Variants in TLE3 observed in about 807,000 individuals in gnomAD.
The protein encoded by TLE3 is TLE family member 3, transcriptional corepressor, also known as transducin-like enhancer protein 3.
Under a neutral mutation model 93.0 loss-of-function variants are expected in TLE3, and 14 were observed. The observed-to-expected ratio is 0.15, with a 90% confidence interval of 0.10 to 0.24. The LOEUF (loss-of-function observed/expected upper bound fraction) is 0.24. Among genes scored for constraint, TLE3 ranks in the 10% least tolerant of loss-of-function variants. TLE3 has a pLI of 1.00. For synonymous variants in TLE3, 451 were observed against 425.0 expected (o/e 1.06, Z -0.75); for missense variants, 693 against 1,046.6 (o/e 0.66, Z 4.66).
At position 70,058,096 on chromosome 15, in the gene TLE3, G is replaced by A. The variant is rs1429804001; in HGVS notation, c.1051+63C>T. ...ATGCGTGTGTGTCACCCCTGCCCTG[G>A]CCAAGAGCAGACCCCCTCCCCCCAA... is the stretch of plus-strand genomic sequence containing the variant. On this transcript the variant is annotated intron_variant, in intron 12 of 19. Transcript: ENST00000451782. The surrounding 1 kb of genome is among the most constrained non-coding windows in gnomAD (Gnocchi z 4.1). 1.4e-5 allele frequency: 23 copies of A among 1,610,242 alleles called. No individual in the cohort carries two copies. Among genetic ancestry groups the A allele is most frequent in the Non-Finnish European group, 2.0e-5 (23 of 1,178,100 alleles).
At chr15:70,087,959 T>C (rs911834716) in intron 4 of TLE3, among the ~76,000 whole-genome samples, 12 of 152,198 alleles carry the variant, frequency 7.9e-5, no homozygotes, top group African/African-American at 2.7e-4. Context: ...ATACAAGTCC[T>C]TGCCCCACCC....
intron 13 of TLE3, among the ~76,000 whole-genome samples, chr15:70,056,742 C>T (rs545256600): frequency 6.6e-6 from 1 of 152,298 alleles, no homozygotes; most frequent in East Asian, 1.9e-4. Context: ...GCCCCTCTCC[C>T]CGCCAACCCT....
chr15:70,058,700 C>T lies in TLE3; in HGVS notation c.881G>A (p.Ser294Asn), dbSNP rs1289937765. 8 of 1,607,802 alleles carry T rather than the reference C, an allele frequency of 5.0e-6. No homozygotes were observed. In the Admixed American group the frequency reaches 8.5e-5, roughly 17 times the overall value. The change falls in exon 11 of 20, where the codon AGT becomes AAT. Residue 294 changes from serine (S) to asparagine (N), a missense_variant. Ser to Asn is a conservative substitution (Grantham distance 46, BLOSUM62 1). Transcript: ENST00000451782. This position sits in a 1 kb window ranked among gnomAD's most constrained non-coding sequence, Gnocchi z 4.1. ...TTTGGTCTTGGAGGAAGGTGTGCTA[C>T]TGGAAGAGGCCACCGAGGCAGGGCT... ...PTSPASVASS[S>N]STPSSKTKDL...
At chr15:70,083,107 A>C (rs542159715) in intron 4 of TLE3, among the ~76,000 whole-genome samples, 1 of 152,300 alleles carries the variant, frequency 6.6e-6, no homozygotes, top group South Asian at 2.1e-4. Context: ...AAAGAAGTCC[A>C]ATCTGAGTCC....
At chr15:70,055,506 AC>A (rs2055941919) in intron 14 of TLE3, 1 of 543,812 alleles carries the variant, frequency 1.8e-6, no homozygotes, top group Admixed American at 3.8e-5. Context: ...TGATTTTTAC[AC>A]CCAGTTATAT....
rs374495405 is a variant in TLE3 at position 70,079,439 on chromosome 15, G to A, written c.235-3281C>T. On this transcript the variant is annotated intron_variant, in intron 4 of 19. Coordinates refer to ENST00000451782, the MANE Select transcript of TLE3 (RefSeq NM_001105192.3). ...GGTTCACCGTAAAAGTTCTCCCAAC[G>A]TAAACCCAGCCCCTCCCCTGGGAAA... 2.0e-5 allele frequency: 9 copies of A among 456,064 alleles called. 1 individual carries two copies. Among genetic ancestry groups the A allele is most frequent in the Non-Finnish European group, 2.6e-5 (6 of 233,494 alleles). The allele number at this position is 456,064 out of a possible 1,614,324, so 28.3% of individuals were successfully genotyped here.
At chr15:70,081,856 G>T (rs1432969238) in intron 4 of TLE3, among the ~76,000 whole-genome samples, 1 of 152,208 alleles carries the variant, frequency 6.6e-6, no homozygotes, top group Admixed American at 6.5e-5. Flanking sequence ...GGGAAGTGAC[G>T]ATTTTCATCC....
At chr15:70,073,161 C>T (rs571545878) in intron 6 of TLE3, among the ~76,000 whole-genome samples, 1 of 152,318 alleles carries the variant, frequency 6.6e-6, no homozygotes, top group East Asian at 1.9e-4. Context: ...GGGCCGGTGT[C>T]CATAAGTGTC....
At position 70,074,739 on chromosome 15, in the gene TLE3, G is replaced by A. The variant is rs116704467; in HGVS notation, c.298-132C>T. ...AGGAGTCCCACTGAACAGGCACAGG[G>A]CACAAGTAGGGGGGAGGGTGACAGG... On this transcript the variant is annotated intron_variant, in intron 5 of 19. Coordinates refer to ENST00000451782, the MANE Select transcript of TLE3 (RefSeq NM_001105192.3). 1.5e-3 allele frequency: 903 copies of A among 593,862 alleles called. 7 individuals carry two copies. In the African/African-American group the frequency reaches 0.016, roughly 10 times the overall value. The allele number at this position is 593,862 out of a possible 1,614,324, so 36.8% of individuals were successfully genotyped here. A position where few individuals can be genotyped will look rare whatever the true frequency, so the allele number is the denominator to read the frequency against.
chr15:70,054,171 C>A, intron 16 of TLE3: 1 of 403,122 alleles, frequency 2.5e-6, no homozygotes, highest in Non-Finnish European at 4.5e-6. Flanking sequence ...GCTTGCTCCA[C>A]TAATCTGACC....
At chr15:70,061,707 C>T (rs898945725) in intron 8 of TLE3, among the ~76,000 whole-genome samples, 2 of 152,196 alleles carry the variant, frequency 1.3e-5, no homozygotes, top group Admixed American at 6.5e-5. Context: ...ACTTTACCTT[C>T]ACCCACCCAC....
Position 70,048,577 on chromosome 15 carries a change from G to C in TLE3, c.*1520C>G. ...TTATCTTCGATATGCTACATCCATG[G>C]AGAGCCTGCCACCAGGACTCACAGC... On this transcript the variant is annotated 3_prime_UTR_variant, in exon 20 of 20. Coordinates refer to ENST00000451782, the MANE Select transcript of TLE3 (RefSeq NM_001105192.3). 6.6e-6 allele frequency: 1 copy of C among 151,342 alleles called. No individual in the cohort carries two copies. Among genetic ancestry groups the C allele is most frequent in the Admixed American group, 6.6e-5 (1 of 15,214 alleles). The allele number at this position is 151,342 out of a possible 1,614,324, so 9.4% of individuals were successfully genotyped here.
At chr15:70,055,574 C>T (rs187975449) in intron 14 of TLE3, 10 of 359,618 alleles carry the variant, frequency 2.8e-5, no homozygotes, top group Admixed American at 1.3e-4. Flanking sequence ...CCCTTTCCCA[C>T]GATCCATACA....
At chr15:70,063,922 G>A (rs927220624) in intron 8 of TLE3, among the ~76,000 whole-genome samples, 1 of 152,168 alleles carries the variant, frequency 6.6e-6, no homozygotes, top group Admixed American at 6.5e-5. Flanking sequence ...AGATCATACA[G>A]GAGGCATCCT....
At chr15:70,090,106 G>A (rs112616020) in intron 4 of TLE3, among the ~76,000 whole-genome samples, 3 of 152,144 alleles carry the variant, frequency 2.0e-5, no homozygotes, top group African/African-American at 7.2e-5. Context: ...TAGAGAAAAG[G>A]GGTCCAAAGG....
intron 4 of TLE3, among the ~76,000 whole-genome samples, chr15:70,082,727 G>A (rs1483641218): frequency 4.6e-5 from 7 of 152,222 alleles, no homozygotes; most frequent in Non-Finnish European, 1.0e-4. Flanking sequence ...GGAAGGGGAT[G>A]CTGGCCTGAG....
intron 2 of TLE3, chr15:70,095,940 C>T (rs1236224778): frequency 6.0e-6 from 4 of 662,066 alleles, no homozygotes; most frequent in Non-Finnish European, 7.5e-6. Context: ...GCGACCTAGA[C>T]CCTCATTCGG....
In TLE3 at chr15:70,066,036, GT is replaced by G. The variant is rs1293075095; in HGVS notation, c.554del (p.Asn185ThrfsTer51). 6.2e-7 allele frequency: 1 copy of G among 1,612,114 alleles called. No homozygotes were observed. The highest frequency in any genetic ancestry group is 8.5e-7 in the Non-Finnish European group (1 of 1,178,942). ...CACCTCTGTGATCGAGTTCATGGTG[GT>G]TCTTCTCATCCTTCACCGTCAGATG... Reference protein sequence around the residue: ...QAHLTVKDEKNHHELDHRERE... With the variant: ...QAHLTVKDEKXHHELDHRERE... On this transcript the variant is annotated frameshift_variant, in exon 7 of 20. Transcript: ENST00000451782. LOFTEE classifies it high-confidence loss of function.
chr15:70,095,695 A>AG, intron 2 of TLE3, 54 bp from the exon 3 acceptor site: 1 of 1,545,050 alleles, frequency 6.5e-7, no homozygotes, highest in South Asian at 1.2e-5. Context: ...GCCTCCTCTG[A>AG]GGCCCCGACC....
Sources: gnomAD v4.1 joint callset for allele counts (sites outside exome capture counted in the v4.1 genomes callset) on GRCh38, gnomAD v4.1.1 for gene constraint, Gnocchi (gnomAD v3.1) non-coding constraint, MANE v1.5 for transcripts, NCBI Gene and HGNC (gene_info 2026-07-23, HGNC 2026-07-21) for gene names.